DRP2: variants seen among roughly 807,000 people sequenced by gnomAD.
The protein encoded by DRP2 is dystrophin-related protein 2.
In DRP2, 29 loss-of-function variants were observed where a neutral mutation model predicts 78.2. That is an observed-to-expected ratio of 0.37 (90% CI 0.28 to 0.51). The LOEUF is 0.51. Among genes scored for constraint, DRP2 ranks in the 20% least tolerant of loss-of-function variants. The probability of loss-of-function intolerance (pLI) is 0.94; values close to 1 mark genes in which losing one functional copy is unlikely to be tolerated. For synonymous variants in DRP2, 290 were observed against 281.9 expected, an observed-to-expected ratio of 1.03 and a Z score of -0.29; for missense variants, 686 against 770.6, an observed-to-expected ratio of 0.89 and a Z score of 1.30.
intron 14 of DRP2, among the ~76,000 whole-genome samples, chrX:101,248,974 G>C (rs759853473): frequency 8.9e-6 from 1 of 112,175 alleles, no homozygotes; most frequent in Non-Finnish European, 1.9e-5. Context: ...TGTCACTAGA[G>C]ACTTCTTATA....
At position 101,237,630 on chromosome X, in the gene DRP2, A is replaced by G. The variant is rs1569508489; in HGVS notation, c.293A>G (p.Glu98Gly). 8.9e-7 allele frequency: 1 copy of G among 1,124,018 alleles called. No individual in the cohort carries two copies. Among genetic ancestry groups the G allele is most frequent in the South Asian group, 2.4e-5 (1 of 41,224 alleles). 92.6% of individuals were successfully genotyped at this position (1,124,018 alleles called of 1,213,427 possible). A position where few individuals can be genotyped will look rare whatever the true frequency, so the allele number is the denominator to read the frequency against. ...CTCATTGTGTGCAGCGCTCGCCTAG[A>G]GGCCTTCTCAGACCACAGTGGAAAG... ...KKSHNLRARL[E>G]AFSDHSGKLQ... Residue 98 changes from glutamate (E) to glycine (G), a missense_variant, in exon 5 of 24, where the codon GAG becomes GGG. Physicochemically the swap from Glu to Gly is moderately conservative, Grantham distance 98 (BLOSUM62 -2). This residue lies in a region of DRP2 where 263 missense variants were observed against 239.1 expected (regional missense o/e 1.10). Transcript: ENST00000395209.
At chrX:101,230,118 G>C (rs2147331275) in intron 2 of DRP2, among the ~76,000 whole-genome samples, 1 of 112,217 alleles carries the variant, frequency 8.9e-6, no homozygotes, top group Non-Finnish European at 1.9e-5. Context: ...GTACCTCAGA[G>C]TCATGCTGTC....
At chrX:101,253,724 A>G (rs1014265662) in intron 17 of DRP2, among the ~76,000 whole-genome samples, 3 of 107,786 alleles carry the variant, frequency 2.8e-5, no homozygotes, top group African/African-American at 1.0e-4. Flanking sequence ...CCATCTGTCC[A>G]AGCTTTCATC....
Position 101,257,044 on chromosome X carries a change from C to T in DRP2, c.2390+783C>T, listed in dbSNP as rs760099848. ...CAGAGGACAATGACACTACATAGAGCGTTGGAGGTCTGGAATAGGGATGGT... is the reference window on the plus strand; with the variant it reads ...CAGAGGACAATGACACTACATAGAGTGTTGGAGGTCTGGAATAGGGATGGT... On this transcript the variant is annotated intron_variant, in intron 21 of 23. Coordinates refer to ENST00000395209, the MANE Select transcript of DRP2 (RefSeq NM_001939.3). Among the ~76,000 whole-genome samples, 5 of 109,241 alleles carry T rather than the reference C, an allele frequency of 4.6e-5. No homozygotes were observed. The South Asian group carries it at 1.6e-3, about 35-fold the overall frequency. The allele number at this position is 109,241 out of a possible 115,157, so 94.9% of individuals were successfully genotyped here. A position where few individuals can be genotyped will look rare whatever the true frequency, so the allele number is the denominator to read the frequency against.
At position 101,258,472 on chromosome X, in the gene DRP2, C is replaced by A; in HGVS notation, c.2554C>A (p.Arg852Ser). 8.3e-7 allele frequency: 1 copy of A among 1,198,614 alleles called. No homozygotes were observed. The highest frequency in any genetic ancestry group is 1.1e-6 in the Non-Finnish European group (1 of 888,534). Residue 852 changes from arginine to serine, a missense_variant, in exon 22 of 24, where the codon CGC becomes AGC. Around this residue, in one of 2 missense-constraint regions of DRP2, gnomAD observed 423 missense variants for 531.5 expected, o/e 0.80. Coordinates refer to ENST00000395209, the MANE Select transcript of DRP2 (RefSeq NM_001939.3). Reference protein sequence around the residue: ...LRQHKSRLETRMQILEDHNKQ... With the variant: ...LRQHKSRLETSMQILEDHNKQ... ...GCAACATAAGAGCCGCCTGGAGACG[C>A]GCATGCAGATCCTCGAAGATCACAA...
chrX:101,236,802 A>G (rs1016011772), intron 4 of DRP2, among the ~76,000 whole-genome samples: 2 of 112,292 alleles, frequency 1.8e-5, no homozygotes, highest in Admixed American at 9.4e-5. Flanking sequence ...TCTGGGCAAT[A>G]GGAATGCCTA....
chrX:101,251,515 C>T (rs1923142327), intron 16 of DRP2: 2 of 115,008 alleles, frequency 1.7e-5, no homozygotes, highest in Admixed American at 1.8e-4. Context: ...AACAGATCCT[C>T]AGTTGCACAC....
intron 9 of DRP2, 171 bp downstream of exon 9, chrX:101,243,153 G>A (rs937432598): frequency 6.2e-5 from 24 of 389,678 alleles, no homozygotes; most frequent in African/African-American, 2.3e-4. Flanking sequence ...TCGGCTGGGC[G>A]TGGTGGCTCA....
At chrX:101,236,713 G>C (rs143126599) in intron 4 of DRP2, among the ~76,000 whole-genome samples, 1 of 112,229 alleles carries the variant, frequency 8.9e-6, no homozygotes, top group Non-Finnish European at 1.9e-5. Context: ...TGCAGGCTTT[G>C]GAGTCAGGTA....
chrX:101,224,202 T>TTG (rs1922019654), intron 1 of DRP2, among the ~76,000 whole-genome samples: 1 of 69,113 alleles, frequency 1.4e-5, no homozygotes, highest in African/African-American at 6.0e-5. Flanking sequence ...TTTTTTTTTT[T>TTG]TTTTTTTTTT....
At chrX:101,228,265 T>C (rs987396160) in intron 2 of DRP2, among the ~76,000 whole-genome samples, 1 of 112,514 alleles carries the variant, frequency 8.9e-6, no homozygotes, top group Non-Finnish European at 1.9e-5. Context: ...TGCACTTTGA[T>C]TTATAAAAAA....
At chrX:101,237,807 A>G in intron 5 of DRP2, 32 bp downstream of exon 5, 1 of 1,077,120 alleles carries the variant, frequency 9.3e-7, no homozygotes, top group Non-Finnish European at 1.2e-6. Flanking sequence ...CGTGGTGTGT[A>G]GCCTCTCAGC....
chrX:101,255,023 G>A (rs1392619176), intron 19 of DRP2, 99 bp downstream of exon 19: 1 of 1,112,763 alleles, frequency 9.0e-7, no homozygotes, highest in African/African-American at 1.8e-5. Flanking sequence ...CAGGGCCAGG[G>A]GATGTGCACA....
At chrX:101,245,706 C>T (rs1444845867) in intron 11 of DRP2, among the ~76,000 whole-genome samples, 1 of 111,399 alleles carries the variant, frequency 9.0e-6, no homozygotes, top group Non-Finnish European at 1.9e-5. Context: ...CTAAAATAGA[C>T]AGACTCATAG....
chrX:101,233,769 G>A (rs1416906282), intron 3 of DRP2, among the ~76,000 whole-genome samples: 3 of 111,889 alleles, frequency 2.7e-5, no homozygotes, highest in Non-Finnish European at 5.7e-5. Context: ...GGACACAGGA[G>A]CCTCCCTGGC....
chrX:101,252,756 C>G (rs750232126), intron 17 of DRP2, 40 bp downstream of exon 17: 16 of 1,077,835 alleles, frequency 1.5e-5, no homozygotes, highest in Non-Finnish European at 2.0e-5. Context: ...TTAGGCAGCT[C>G]TCAGGTACTA....
At chrX:101,234,472 G>A (rs370050703) in intron 3 of DRP2, among the ~76,000 whole-genome samples, 4 of 112,814 alleles carry the variant, frequency 3.5e-5, no homozygotes, top group African/African-American at 9.6e-5. Context: ...TGACATAGCC[G>A]CCCCCTCCAG....
intron 6 of DRP2, 40 bp from the exon 7 acceptor site, chrX:101,241,628 G>A (rs779413234): frequency 2.5e-6 from 3 of 1,200,647 alleles, no homozygotes; most frequent in Admixed American, 4.4e-5. Flanking sequence ...AGCTGACCCT[G>A]CCTGGTTGGC....
rs753921064 is a variant in DRP2 at position 101,241,704 on chromosome X, G to A, written c.596G>A (p.Arg199His). 1.1e-5 allele frequency: 13 copies of A among 1,209,870 alleles called. No homozygotes were observed. The highest frequency in any genetic ancestry group is 8.9e-5 in the East Asian group (3 of 33,777). ...AAACAGCGGATCCAGAATCTCAGCC[G>A]CTTTGTATGGAAGCAGGCGACGGTG... ...SPKQRIQNLSRFVWKQATVAS... is the reference protein window; with the variant it reads ...SPKQRIQNLSHFVWKQATVAS... The change falls in exon 7 of 24, where the codon CGC becomes CAC. Residue 199 changes from arginine to histidine, a missense_variant. Transcript: ENST00000395209.
Sources: gnomAD v4.1 joint callset for allele counts (sites outside exome capture counted in the v4.1 genomes callset) on GRCh38, gnomAD v4.1.1 for gene constraint, gnomAD v4.1.1 regional missense constraint, MANE v1.5 for transcripts, NCBI Gene and HGNC (gene_info 2026-07-23, HGNC 2026-07-21) for gene names.